Variants in CSMD1 observed in about 807,000 individuals in gnomAD.
The protein encoded by CSMD1 is CUB and Sushi multiple domains 1, also known as CUB and sushi domain-containing protein 1.
A neutral mutation model predicts 417.5 loss-of-function variants in CSMD1; 213 were observed. The observed-to-expected ratio is 0.51, with a 90% CI of 0.46 to 0.57. CSMD1 has a LOEUF of 0.57. Among genes scored for constraint, CSMD1 ranks in the 20% least tolerant of loss-of-function variants. The pLI is 0.00. For missense variants in CSMD1, 6,923 were observed against 4,529.7 expected (o/e 1.53, Z -15.17); for synonymous variants, 2,862 against 1,736.8 (o/e 1.65, Z -16.11).
intron 5 of CSMD1, among the ~76,000 whole-genome samples, chr8:3,755,666 T>G (rs1167655410): frequency 3.3e-5 from 5 of 152,104 alleles, no homozygotes; most frequent in African/African-American, 4.8e-5. Context: ...CAACACCAGA[T>G]GAAATACATA....
At chr8:4,903,886 G>A (rs961058899) in intron 1 of CSMD1, among the ~76,000 whole-genome samples, 12 of 152,284 alleles carry the variant, frequency 7.9e-5, no homozygotes, top group African/African-American at 2.2e-4. Flanking sequence ...TGCCTTCAAC[G>A]CCGATAATGC....
At chr8:4,305,382 C>G (rs1270402883) in intron 3 of CSMD1, among the ~76,000 whole-genome samples, 1 of 152,056 alleles carries the variant, frequency 6.6e-6, no homozygotes, top group Non-Finnish European at 1.5e-5. Flanking sequence ...AGGGATAGAG[C>G]AAGAGATTTG....
chr8:4,164,740 A>G (rs1027916795), intron 3 of CSMD1, among the ~76,000 whole-genome samples: 12 of 152,060 alleles, frequency 7.9e-5, no homozygotes, highest in African/African-American at 1.4e-4. Context: ...TTTAAAAAAT[A>G]CAGTTTGTGC....
At chr8:4,331,660 G>A (rs1300524545) in intron 3 of CSMD1, among the ~76,000 whole-genome samples, 2 of 152,056 alleles carry the variant, frequency 1.3e-5, no homozygotes, top group African/African-American at 4.8e-5. Context: ...AAGCTAAAAG[G>A]TAGCCATCCC....
At chr8:4,012,586 C>G (rs962025579) in intron 4 of CSMD1, among the ~76,000 whole-genome samples, 2 of 152,074 alleles carry the variant, frequency 1.3e-5, no homozygotes, top group African/African-American at 2.4e-5. Flanking sequence ...CCTTCCTCCC[C>G]TCAGTAGGCC....
At chr8:4,046,409 A>G (rs1271925208) in intron 3 of CSMD1, among the ~76,000 whole-genome samples, 2 of 152,202 alleles carry the variant, frequency 1.3e-5, no homozygotes, top group East Asian at 3.9e-4. Context: ...TGATTTTCAT[A>G]TTCATTCAAA....
At chr8:3,199,568 T>C in intron 33 of CSMD1, 146 bp downstream of exon 33, 1 of 369,798 alleles carries the variant, frequency 2.7e-6, no homozygotes, top group East Asian at 4.2e-5. Context: ...TAAATAATTT[T>C]ATTATAAACA....
At chr8:3,087,511 G>A (rs1404040677) in intron 48 of CSMD1, among the ~76,000 whole-genome samples, 1 of 152,206 alleles carries the variant, frequency 6.6e-6, no homozygotes, top group Non-Finnish European at 1.5e-5. Context: ...TCAATGTGAA[G>A]CTAGGATCCT....
intron 2 of CSMD1, among the ~76,000 whole-genome samples, chr8:4,529,856 C>T (rs1253301434): frequency 6.6e-6 from 1 of 150,462 alleles, no homozygotes; most frequent in African/African-American, 2.4e-5. Context: ...CAGGTTGCTG[C>T]CCATGCTGCT....
At chr8:3,872,385 A>T (rs1022151250) in intron 5 of CSMD1, among the ~76,000 whole-genome samples, 2 of 152,072 alleles carry the variant, frequency 1.3e-5, no homozygotes, top group African/African-American at 4.8e-5. Context: ...TGCTTCAGTG[A>T]CTCTCAACTG....
At chr8:3,141,323 G>T (rs1446865435) in intron 41 of CSMD1, among the ~76,000 whole-genome samples, 1 of 152,102 alleles carries the variant, frequency 6.6e-6, no homozygotes, top group African/African-American at 2.4e-5. Flanking sequence ...ACTCCATCTT[G>T]CTTCTAACCT....
chr8:4,740,960 T>C (rs1810564219), intron 1 of CSMD1, among the ~76,000 whole-genome samples: 1 of 152,214 alleles, frequency 6.6e-6, no homozygotes, highest in Admixed American at 6.5e-5. Context: ...ATTAAAAACA[T>C]AATTATTTCT....
chr8:4,484,865 C>T (rs1310146161), intron 2 of CSMD1, among the ~76,000 whole-genome samples: 4 of 151,142 alleles, frequency 2.6e-5, no homozygotes, highest in East Asian at 2.0e-4. Context: ...CCCAACTACT[C>T]GGGAGGCTGA....
intron 23 of CSMD1, among the ~76,000 whole-genome samples, chr8:3,334,388 G>A (rs191676345): frequency 5.9e-5 from 9 of 152,166 alleles, no homozygotes; most frequent in Admixed American, 2.6e-4. Context: ...CTTCTGTATC[G>A]GTCCTGAGAG....
chr8:3,993,681 A>G (rs1383027145), intron 5 of CSMD1, among the ~76,000 whole-genome samples: 3 of 152,226 alleles, frequency 2.0e-5, no homozygotes, highest in African/African-American at 7.2e-5. Flanking sequence ...ACCTTAAAAA[A>G]TCATAAAGTA....
At chr8:3,582,020 C>A (rs1439124129) in intron 9 of CSMD1, among the ~76,000 whole-genome samples, 3 of 152,160 alleles carry the variant, frequency 2.0e-5, no homozygotes, top group African/African-American at 4.8e-5. Flanking sequence ...GTCTTGAACT[C>A]CTGACCTCAG....
Position 3,292,900 on chromosome 8 carries a change from T to C in CSMD1, c.3951-8554A>G, listed in dbSNP as rs907464354. Among the ~76,000 whole-genome samples, 25 of 152,142 alleles carry C rather than the reference T, an allele frequency of 1.6e-4. 1 individual carries two copies. The highest frequency in any genetic ancestry group is 3.3e-4 in the Admixed American group (5 of 15,270). On this transcript the variant is annotated intron_variant, in intron 25 of 69. Coordinates refer to ENST00000635120, the MANE Select transcript of CSMD1 (RefSeq NM_033225.6). ...TTAGCTGGTTATTTTGCTCGTTAGTTGATGCAGTTTCTTCCTAGTCTCGAT... is the reference window on the plus strand; with the variant it reads ...TTAGCTGGTTATTTTGCTCGTTAGTCGATGCAGTTTCTTCCTAGTCTCGAT...
intron 5 of CSMD1, among the ~76,000 whole-genome samples, chr8:3,861,717 G>C (rs759250530): frequency 1.2e-4 from 18 of 152,126 alleles, no homozygotes; most frequent in African/African-American, 4.1e-4. Flanking sequence ...TATTCGTTTT[G>C]TGTTTTGTCT....
At chr8:4,450,076 G>T (rs535754066) in intron 2 of CSMD1, among the ~76,000 whole-genome samples, 1 of 152,026 alleles carries the variant, frequency 6.6e-6, no homozygotes, top group Admixed American at 6.6e-5. Context: ...GGACTTCCTC[G>T]TCCTGTCTCA....
Sources: allele counts gnomAD v4.1 joint callset (sites outside exome capture counted in the v4.1 genomes callset), GRCh38; gene constraint gnomAD v4.1.1; transcripts MANE v1.5; gene names NCBI Gene and HGNC (gene_info 2026-07-23, HGNC 2026-07-21).